ACTR3: variants seen among roughly 807,000 people sequenced by gnomAD.
The protein encoded by ACTR3 is actin-related protein 3.
A neutral mutation model predicts 56.8 loss-of-function variants in ACTR3; 12 were observed. The observed-to-expected ratio is 0.21, with a 90% confidence interval of 0.14 to 0.34. ACTR3 has a LOEUF of 0.34. ACTR3 is among the 10% of genes least tolerant of loss of function. ACTR3 has a pLI of 1.00. For synonymous variants in ACTR3, 162 were observed against 167.4 expected, an observed-to-expected ratio of 0.97 and a Z score of 0.25; for missense variants, 282 against 512.5, an observed-to-expected ratio of 0.55 and a Z score of 4.34.
At position 113,960,760 on chromosome 2, in the gene ACTR3, C is replaced by T. The variant is rs1282697209; in HGVS notation, c.*3305C>T. 2 of 151,930 alleles carry T rather than the reference C, an allele frequency of 1.3e-5. No individual in the cohort carries two copies. The highest frequency in any genetic ancestry group is 1.3e-4 in the Admixed American group (2 of 15,222). 9.4% of individuals were successfully genotyped at this position (151,930 alleles called of 1,614,324 possible). On this transcript the variant is annotated 3_prime_UTR_variant, in exon 12 of 12. Transcript: ENST00000263238. ...ACCAGGCATGAGTACCTTGGATAGC[C>T]CTCTGAAGTCTGTTACCACCCAGAT...
intron 6 of ACTR3, 30 bp from the exon 7 acceptor site, chr2:113,939,929 T>G: frequency 6.4e-7 from 1 of 1,555,808 alleles, no homozygotes; most frequent in Non-Finnish European, 8.7e-7. Context: ...ACATTGAAAG[T>G]AAATTTGGTA....
intron 1 of ACTR3, among the ~76,000 whole-genome samples, chr2:113,898,011 G>A (rs1414437175): frequency 1.3e-5 from 2 of 152,148 alleles, no homozygotes; most frequent in Non-Finnish European, 1.5e-5. Flanking sequence ...GTGTAAAGGA[G>A]AGGTTACAAT....
chr2:113,962,345 A>G lies in ACTR3; in HGVS notation c.*4890A>G, dbSNP rs1343155815. Reference sequence around the variant, plus strand: ...GTACAAGGTAATTGACATGTCCTGAAATGTAACATTCAACATTAACAGTAG... The same window carrying G: ...GTACAAGGTAATTGACATGTCCTGAGATGTAACATTCAACATTAACAGTAG... On this transcript the variant is annotated 3_prime_UTR_variant, in exon 12 of 12. Transcript: ENST00000263238. 6.6e-6 allele frequency: 1 copy of G among 151,938 alleles called. No individual in the cohort carries two copies. Among genetic ancestry groups the G allele is most frequent in the African/African-American group, 2.4e-5 (1 of 41,410 alleles). The allele number at this position is 151,938 out of a possible 1,614,324, so 9.4% of individuals were successfully genotyped here.
rs1680128070 is a variant in ACTR3 at position 113,951,934 on chromosome 2, A to G, written c.1077+89A>G. 3.3e-6 allele frequency: 5 copies of G among 1,524,588 alleles called. No individual in the cohort carries two copies. In the African/African-American group the frequency reaches 6.9e-5, roughly 21 times the overall value. The allele number at this position is 1,524,588 out of a possible 1,614,324, so 94.4% of individuals were successfully genotyped here. ...TTTGCCAGCATTCACTCTGATTTAG[A>G]AAAATAAGAGGAACCTGTCAGGTAT... On this transcript the variant is annotated intron_variant, in intron 10 of 11. Coordinates refer to ENST00000263238, the MANE Select transcript of ACTR3 (RefSeq NM_005721.5).
chr2:113,955,821 C>T, intron 11 of ACTR3, 115 bp downstream of exon 11: 1 of 716,050 alleles, frequency 1.4e-6, no homozygotes, highest in Non-Finnish European at 2.2e-6. Context: ...GATCTTGGCT[C>T]ACTGCAACCT....
In ACTR3 at chr2:113,890,231, A is replaced by G. The variant is rs1267599997; in HGVS notation, c.-49A>G. 1.9e-6 allele frequency: 3 copies of G among 1,550,616 alleles called. No individual in the cohort carries two copies. The highest frequency in any genetic ancestry group is 2.6e-6 in the Non-Finnish European group (3 of 1,146,508). ...CTCCCGCCGCCAATCTCTGGCCCCT[A>G]GCAGCACGGAGCAGACGGCGGCAGC... On this transcript the variant is annotated 5_prime_UTR_variant, in exon 1 of 12. Coordinates refer to ENST00000263238, the MANE Select transcript of ACTR3 (RefSeq NM_005721.5).
rs557873153 is a variant in ACTR3 at position 113,936,800 on chromosome 2, A to G, written c.540+2414A>G. ...ATGTGAGGAGTGGGAAAGGATAGGT[A>G]TCAGGATTTTGGCAGGGTTGGTTTC... On this transcript the variant is annotated intron_variant, in intron 6 of 11. Coordinates refer to ENST00000263238, the MANE Select transcript of ACTR3 (RefSeq NM_005721.5). Among the ~76,000 whole-genome samples the G allele has an allele frequency of 1.1e-4, 17 of 152,284 alleles. No individual in the cohort carries two copies. The South Asian group carries it at 3.1e-3, about 28-fold the overall frequency.
chr2:113,947,835 A>G (rs1017986528), intron 8 of ACTR3, among the ~76,000 whole-genome samples: 1 of 152,106 alleles, frequency 6.6e-6, no homozygotes, highest in Non-Finnish European at 1.5e-5. Flanking sequence ...TTTAACTTTA[A>G]AACATTTTCT....
intron 5 of ACTR3, among the ~76,000 whole-genome samples, chr2:113,932,756 G>GTA (rs145123685): frequency 5.2e-4 from 78 of 151,448 alleles, no homozygotes; most frequent in South Asian, 1.7e-3. Flanking sequence ...AGTCTAAACA[G>GTA]TATATATATA....
intron 6 of ACTR3, among the ~76,000 whole-genome samples, chr2:113,937,931 T>G (rs1012594438): frequency 3.3e-5 from 5 of 152,172 alleles, no homozygotes; most frequent in African/African-American, 1.2e-4. Context: ...TACATATTTT[T>G]TCTCTTCCTC....
In ACTR3 at chr2:113,901,593, A is replaced by G. The variant is rs533743887; in HGVS notation, c.44+11270A>G. Among the ~76,000 whole-genome samples, 4 of 152,304 alleles carry G rather than the reference A, an allele frequency of 2.6e-5. No individual in the cohort carries two copies. The East Asian group carries it at 5.8e-4, about 22-fold the overall frequency. On this transcript the variant is annotated intron_variant, in intron 1 of 11. Coordinates refer to ENST00000263238, the MANE Select transcript of ACTR3 (RefSeq NM_005721.5). ...AGCAAGTCATTCATATTAAGATAGA[A>G]TTATTTGAACTTTAGTGGTTGTCAG...
chr2:113,937,410 A>G (rs900214800), intron 6 of ACTR3, among the ~76,000 whole-genome samples: 1 of 152,008 alleles, frequency 6.6e-6, no homozygotes, highest in African/African-American at 2.4e-5. Flanking sequence ...CCAGCCTTGA[A>G]ATTGAGTTCT....
At chr2:113,926,636 A>G (rs1225431425) in intron 3 of ACTR3, among the ~76,000 whole-genome samples, 1 of 152,212 alleles carries the variant, frequency 6.6e-6, no homozygotes, top group Non-Finnish European at 1.5e-5. Context: ...TTCACTTTGT[A>G]ACAGCCTGCC....
chr2:113,897,368 T>C (rs1679026494), intron 1 of ACTR3, among the ~76,000 whole-genome samples: 1 of 152,108 alleles, frequency 6.6e-6, no homozygotes, highest in South Asian at 2.1e-4. Flanking sequence ...AATTCTAGTT[T>C]TTTTAAAGGA....
At chr2:113,931,946 A>G (rs1300519550) in intron 5 of ACTR3, among the ~76,000 whole-genome samples, 2 of 142,106 alleles carry the variant, frequency 1.4e-5, no homozygotes, top group Non-Finnish European at 3.0e-5. Flanking sequence ...CAAATGCTTT[A>G]TATGTGTATT....
chr2:113,957,292 T>C (rs886357709), intron 11 of ACTR3, 68 bp from the exon 12 acceptor site: 2 of 1,169,870 alleles, frequency 1.7e-6, no homozygotes, highest in African/African-American at 3.1e-5. Flanking sequence ...CTCTTAAAGT[T>C]TATTTCAATA....
intron 4 of ACTR3, 106 bp downstream of exon 4, chr2:113,927,561 T>C (rs1284245922): frequency 5.9e-6 from 4 of 678,162 alleles, no homozygotes; most frequent in Non-Finnish European, 9.9e-6. Context: ...TTGTCATATG[T>C]CTAAATGACT....
At chr2:113,900,805 A>T (rs1250115890) in intron 1 of ACTR3, among the ~76,000 whole-genome samples, 3 of 152,222 alleles carry the variant, frequency 2.0e-5, no homozygotes, top group Non-Finnish European at 4.4e-5. Flanking sequence ...TGAAGGGACC[A>T]GGAGAATGTT....
intron 6 of ACTR3, among the ~76,000 whole-genome samples, chr2:113,935,676 T>C (rs1679812140): frequency 1.3e-5 from 2 of 152,260 alleles, no homozygotes. Context: ...CTTGGCAGTT[T>C]ATTTTTCTTT....
Sources: allele counts gnomAD v4.1 joint callset (sites outside exome capture counted in the v4.1 genomes callset), GRCh38; gene constraint gnomAD v4.1.1; transcripts MANE v1.5; gene names NCBI Gene and HGNC (gene_info 2026-07-23, HGNC 2026-07-21).